Variants in CAMTA1 observed in about 807,000 individuals in gnomAD.
CAMTA1 encodes the protein calmodulin binding transcription activator 1.
CAMTA1 carries 27 observed loss-of-function variants against 170.9 expected under a neutral mutation model. That is an observed-to-expected ratio of 0.16 (90% CI 0.12 to 0.22). CAMTA1 has a LOEUF of 0.22. CAMTA1 is among the 10% of genes least tolerant of loss of function. The probability of loss-of-function intolerance (pLI) is 1.00; values close to 1 mark genes in which losing one functional copy is unlikely to be tolerated. For synonymous variants in CAMTA1, 833 were observed against 891.5 expected (o/e 0.93, Z 1.17); for missense variants, 1,619 against 2,217.2 (o/e 0.73, Z 5.42).
chr1:7,240,357 GTCACT>G (rs2149255528), intron 4 of CAMTA1, among the ~76,000 whole-genome samples: 1 of 152,040 alleles, frequency 6.6e-6, no homozygotes, highest in South Asian at 2.1e-4. Context: ...AATGTATTGG[GTCACT>G]AGCATCTTCC....
chr1:7,223,842 T>A (rs1189436292), intron 4 of CAMTA1, among the ~76,000 whole-genome samples: 1 of 152,220 alleles, frequency 6.6e-6, no homozygotes, highest in Non-Finnish European at 1.5e-5. Context: ...GCGAGATTCC[T>A]TTTAATCTCA....
intron 1 of CAMTA1, among the ~76,000 whole-genome samples, chr1:6,814,819 C>CT (rs1265879951): frequency 6.6e-6 from 1 of 152,196 alleles, no homozygotes; most frequent in African/African-American, 2.4e-5. Flanking sequence ...GGTAAATACA[C>CT]TTTTCATTAT....
At chr1:7,745,761 A>G in intron 17 of CAMTA1, 84 bp from the exon 18 acceptor site, 1 of 1,545,326 alleles carries the variant, frequency 6.5e-7, no homozygotes, top group Non-Finnish European at 8.9e-7. Context: ...TCTGGCAGAT[A>G]CCATCTTGGC....
At chr1:7,557,656 C>A (rs2094897771) in intron 6 of CAMTA1, among the ~76,000 whole-genome samples, 1 of 152,250 alleles carries the variant, frequency 6.6e-6, no homozygotes, top group African/African-American at 2.4e-5. Context: ...CCCCCAGCTC[C>A]CTTTTGCCCG....
At chr1:7,136,386 T>G (rs899393418) in intron 4 of CAMTA1, among the ~76,000 whole-genome samples, 2 of 152,200 alleles carry the variant, frequency 1.3e-5, no homozygotes, top group Non-Finnish European at 2.9e-5. Context: ...CAGATCACAT[T>G]CCTTCTCTTT....
At chr1:6,928,976 G>T (rs975278374) in intron 3 of CAMTA1, among the ~76,000 whole-genome samples, 1 of 152,208 alleles carries the variant, frequency 6.6e-6, no homozygotes, top group Non-Finnish European at 1.5e-5. Context: ...GTGTCTGTAG[G>T]AGTGGGGCTT....
chr1:7,751,553 A>C (rs1410669144), intron 20 of CAMTA1, among the ~76,000 whole-genome samples, 161 bp downstream of exon 20: 1 of 152,048 alleles, frequency 6.6e-6, no homozygotes, highest in East Asian at 1.9e-4. Context: ...TGATAAGTAC[A>C]CCTGTGCTGA....
At chr1:6,939,764 C>T (rs576075342) in intron 3 of CAMTA1, among the ~76,000 whole-genome samples, 9 of 152,358 alleles carry the variant, frequency 5.9e-5, no homozygotes, top group Admixed American at 2.6e-4. Context: ...CCCTTCGTCA[C>T]GGCGCAGGGC....
At chr1:6,955,051 T>C (rs1319530265) in intron 3 of CAMTA1, among the ~76,000 whole-genome samples, 1 of 152,046 alleles carries the variant, frequency 6.6e-6, no homozygotes, top group Non-Finnish European at 1.5e-5. Context: ...TGTCTGCGGC[T>C]CTGGCAATCT....
chr1:7,700,513 T>C (rs1195749416), intron 11 of CAMTA1, among the ~76,000 whole-genome samples: 2 of 152,194 alleles, frequency 1.3e-5, no homozygotes, highest in African/African-American at 4.8e-5. Flanking sequence ...TAACAACCAA[T>C]TCAATCTCAG....
At chr1:7,090,260 G>C (rs1321647595) in intron 3 of CAMTA1, among the ~76,000 whole-genome samples, 1 of 152,158 alleles carries the variant, frequency 6.6e-6, no homozygotes, top group Admixed American at 6.5e-5. Context: ...AGCATCTCTG[G>C]TCACTGGTGT....
At chr1:7,730,235 G>T (rs1210077960) in intron 11 of CAMTA1, among the ~76,000 whole-genome samples, 1 of 152,198 alleles carries the variant, frequency 6.6e-6, no homozygotes, top group African/African-American at 2.4e-5. Context: ...TTATATGGCA[G>T]AGCCAGGGCT....
At chr1:7,222,449 T>C (rs1660961356) in intron 4 of CAMTA1, among the ~76,000 whole-genome samples, 1 of 152,166 alleles carries the variant, frequency 6.6e-6, no homozygotes, top group Non-Finnish European at 1.5e-5. Context: ...GCCTGACTGT[T>C]GACTACAAAA....
At chr1:7,390,118 G>T (rs925266358) in intron 5 of CAMTA1, among the ~76,000 whole-genome samples, 1 of 152,192 alleles carries the variant, frequency 6.6e-6, no homozygotes, top group Non-Finnish European at 1.5e-5. Context: ...CGCAGGGCTG[G>T]TTCCTTCCCA....
At chr1:6,982,617 C>T (rs765733723) in intron 3 of CAMTA1, among the ~76,000 whole-genome samples, 22 of 152,180 alleles carry the variant, frequency 1.4e-4, no homozygotes, top group Non-Finnish European at 2.5e-4. Context: ...CATGATCTAG[C>T]GCCCTTCCCC....
intron 5 of CAMTA1, among the ~76,000 whole-genome samples, chr1:7,355,816 A>G (rs919046727): frequency 6.6e-5 from 9 of 135,896 alleles, no homozygotes; most frequent in Non-Finnish European, 1.4e-4. Flanking sequence ...TCCGGCTCAC[A>G]GGCCACCTTG....
intron 4 of CAMTA1, among the ~76,000 whole-genome samples, chr1:7,145,005 G>A (rs1349743252): frequency 6.6e-6 from 1 of 152,238 alleles, no homozygotes; most frequent in Non-Finnish European, 1.5e-5. Flanking sequence ...ACCTGGATTC[G>A]CTTTCTTCTA....
chr1:6,804,952 A>G (rs1323975459), intron 1 of CAMTA1, among the ~76,000 whole-genome samples: 2 of 152,208 alleles, frequency 1.3e-5, no homozygotes, highest in Non-Finnish European at 2.9e-5. Flanking sequence ...GAGTTATTCC[A>G]CTTTTTGGCT....
chr1:7,461,207 G>C (rs1176503921), intron 5 of CAMTA1, among the ~76,000 whole-genome samples: 1 of 152,172 alleles, frequency 6.6e-6, no homozygotes, highest in East Asian at 1.9e-4. Context: ...GTTGATTCAG[G>C]CCTGCCCAGG....
Sources: allele counts gnomAD v4.1 joint callset (sites outside exome capture counted in the v4.1 genomes callset), GRCh38; gene constraint gnomAD v4.1.1; transcripts MANE v1.5; gene names NCBI Gene and HGNC (gene_info 2026-07-23, HGNC 2026-07-21).